The following CRMP1 variants were observed in gnomAD, a reference collection of about 807,000 sequenced individuals.
CRMP1 encodes collapsin response mediator protein 1.
Under a neutral mutation model 68.3 loss-of-function variants are expected in CRMP1, and 19 were observed. That is an observed-to-expected ratio of 0.28 (90% CI 0.19 to 0.41). The LOEUF (loss-of-function observed/expected upper bound fraction) is 0.41, where lower values mean the gene tolerates loss of function less well. CRMP1 is among the 10% of genes least tolerant of loss of function. CRMP1 has a pLI of 1.00. For synonymous variants in CRMP1, 439 were observed against 399.6 expected (o/e 1.10, Z -1.18); for missense variants, 791 against 967.4 (o/e 0.82, Z 2.42).
Position 5,842,524 on chromosome 4 carries a change from G to A in CRMP1, c.1032+569C>T, listed in dbSNP as rs1300204133. Among the ~76,000 whole-genome samples the A allele has an allele frequency of 6.6e-6, 1 of 151,360 alleles. No individual in the cohort carries two copies. Among genetic ancestry groups the A allele is most frequent in the Non-Finnish European group, 1.5e-5 (1 of 67,930 alleles). ...TGCCAGGGTGCCCACTCTATTCCAT[G>A]CCCGATCAGCTTGCCTTCCTCCTTC... On this transcript the variant is annotated intron_variant, in intron 7 of 13. Transcript: ENST00000324989. This position sits in a 1 kb window ranked among gnomAD's most constrained non-coding sequence, Gnocchi z 4.5.
At chr4:5,826,058 A>G (rs537327636) in intron 12 of CRMP1, 3 of 278,884 alleles carry the variant, frequency 1.1e-5, no homozygotes, top group South Asian at 7.4e-5. Flanking sequence ...ATACTCACAT[A>G]TGTATACACA....
intron 1 of CRMP1, among the ~76,000 whole-genome samples, chr4:5,868,261 C>CTATATATATATATA (rs60816757): frequency 5.2e-4 from 58 of 111,428 alleles, no homozygotes; most frequent in South Asian, 1.6e-3. Flanking sequence ...GACTATATAT[C>CTATATATATATATA]TATATATATA....
Position 5,838,298 on chromosome 4 carries a change from G to A in CRMP1, c.1310+1224C>T, listed in dbSNP as rs1720863152. Among the ~76,000 whole-genome samples, 1 of 152,184 alleles carries A rather than the reference G, an allele frequency of 6.6e-6. No individual in the cohort carries two copies. The highest frequency in any genetic ancestry group is 2.1e-4 in the South Asian group (1 of 4,828). On this transcript the variant is annotated intron_variant, in intron 9 of 13. Coordinates refer to ENST00000324989, the MANE Select transcript of CRMP1 (RefSeq NM_001014809.3). The surrounding 1 kb of genome is among the most constrained non-coding windows in gnomAD (Gnocchi z 4.9). ...AGAGGAGGCCCAGGGAGGGAGGTTGGTCAGGGCGTGTGCACCGGATTGAGT... is the reference window on the plus strand; with the variant it reads ...AGAGGAGGCCCAGGGAGGGAGGTTGATCAGGGCGTGTGCACCGGATTGAGT...
intron 3 of CRMP1, among the ~76,000 whole-genome samples, chr4:5,857,231 TCAC>T (rs1713200954): frequency 1.3e-5 from 2 of 150,838 alleles, no homozygotes; most frequent in African/African-American, 2.4e-5. Flanking sequence ...ACCACCATCA[TCAC>T]CATCACCATC....
rs546628380 is a variant in CRMP1, at chr4:5,825,088, G to A, written c.1969+406C>T. 33 of 985,442 alleles carry A rather than the reference G, an allele frequency of 3.3e-5. No individual in the cohort carries two copies. The African/African-American group carries it at 5.8e-4, about 17-fold the overall frequency. 61.0% of individuals were successfully genotyped at this position (985,442 alleles called of 1,614,324 possible). Reference sequence around the variant, plus strand: ...TTATGAAAGTGCTTAGTACACTGCAGTGGGTGAACAGGCTAAAGACTTACA... The same window carrying A: ...TTATGAAAGTGCTTAGTACACTGCAATGGGTGAACAGGCTAAAGACTTACA... On this transcript the variant is annotated intron_variant, in intron 13 of 13. Transcript: ENST00000324989. This position sits in a 1 kb window ranked among gnomAD's most constrained non-coding sequence, Gnocchi z 4.4.
In CRMP1 at chr4:5,825,454, G is replaced by C; in HGVS notation, c.1969+40C>G. On this transcript the variant is annotated intron_variant, in intron 13 of 13. Transcript: ENST00000324989. This position sits in a 1 kb window ranked among gnomAD's most constrained non-coding sequence, Gnocchi z 4.4. ...CAGCAGGAAGGACTCGGCCTGAACTGCTGCAATTGTGGGGAGCCTGGGCCA... is the reference window on the plus strand; with the variant it reads ...CAGCAGGAAGGACTCGGCCTGAACTCCTGCAATTGTGGGGAGCCTGGGCCA... 5 of 1,532,944 alleles carry C rather than the reference G, an allele frequency of 3.3e-6. No homozygotes were observed. The highest frequency in any genetic ancestry group is 4.4e-6 in the Non-Finnish European group (5 of 1,148,278). 95.0% of individuals were successfully genotyped at this position (1,532,944 alleles called of 1,614,324 possible).
chr4:5,836,758 G>A lies in CRMP1; in HGVS notation c.1452+7C>T, dbSNP rs755289455. ...TAGAATGCTCCTGAGAAGAGATCCA[G>A]CCTTACCACCGCCTTGTCCCAGACG... On this transcript the variant is annotated splice_region_variant and intron_variant, in intron 10 of 13. Coordinates refer to ENST00000324989, the MANE Select transcript of CRMP1 (RefSeq NM_001014809.3). The A allele has an allele frequency of 9.3e-6, 15 of 1,614,088 alleles. No individual in the cohort carries two copies. In the South Asian group the frequency reaches 1.5e-4, roughly 17 times the overall value.
At position 5,838,356 on chromosome 4, in the gene CRMP1, T is replaced by G. The variant is rs977733842; in HGVS notation, c.1310+1166A>C. ...TGTTGGATGTTGCAGGGACTTGGGT[T>G]TCACTGGCAGAGGACTTACTGGTTC... is the stretch of plus-strand genomic sequence containing the variant. On this transcript the variant is annotated intron_variant, in intron 9 of 13. Coordinates refer to ENST00000324989, the MANE Select transcript of CRMP1 (RefSeq NM_001014809.3). The surrounding 1 kb of genome is among the most constrained non-coding windows in gnomAD (Gnocchi z 4.9). Among the ~76,000 whole-genome samples, 2 of 152,056 alleles carry G rather than the reference T, an allele frequency of 1.3e-5. No homozygotes were observed. Among genetic ancestry groups the G allele is most frequent in the African/African-American group, 4.8e-5 (2 of 41,384 alleles).
Position 5,841,260 on chromosome 4 carries a change from C to T in CRMP1, c.1153+48G>A. 1 of 1,613,434 alleles carries T rather than the reference C, an allele frequency of 6.2e-7. No individual in the cohort carries two copies. The highest frequency in any genetic ancestry group is 1.3e-5 in the African/African-American group (1 of 75,006). On this transcript the variant is annotated intron_variant, in intron 8 of 13. Coordinates refer to ENST00000324989, the MANE Select transcript of CRMP1 (RefSeq NM_001014809.3). This position sits in a 1 kb window ranked among gnomAD's most constrained non-coding sequence, Gnocchi z 6.9. ...GTGAACTTGAACCTGCAGGACACCC[C>T]CTTCCAGGCCCCAGCTGCCCCCAGA...
chr4:5,840,335 G>A (rs1711626003), intron 8 of CRMP1, among the ~76,000 whole-genome samples: 1 of 152,220 alleles, frequency 6.6e-6, no homozygotes, highest in African/African-American at 2.4e-5. Flanking sequence ...GGCCTGGCGG[G>A]CTTCTTCCAG....
Position 5,847,695 on chromosome 4 carries a change from T to C in CRMP1, c.963+1697A>G, listed in dbSNP as rs113111205. ...AGATCTCCAGCACTGAACCATCATG[T>C]TGCTCTTCCACTGCGCTCTGGAACT... On this transcript the variant is annotated intron_variant, in intron 6 of 13. Coordinates refer to ENST00000324989, the MANE Select transcript of CRMP1 (RefSeq NM_001014809.3). Among the ~76,000 whole-genome samples, 1,085 of 152,330 alleles carry C rather than the reference T, an allele frequency of 7.1e-3. 17 individuals are homozygous for C. Among genetic ancestry groups the C allele is most frequent in the African/African-American group, 0.024 (1,009 of 41,576 alleles).
chr4:5,857,168 C>T (rs1261594446), intron 3 of CRMP1, among the ~76,000 whole-genome samples: 1 of 149,856 alleles, frequency 6.7e-6, no homozygotes, highest in South Asian at 2.2e-4. Context: ...CATCCACTAT[C>T]ATCACCACTA....
Position 5,843,180 on chromosome 4 carries a change from T to G in CRMP1, c.964-19A>C, listed in dbSNP as rs41264678. ...TTTGTTCCTACAAGACAAGAACAAG[T>G]GAGTTAACGATTAGAGGGTGTCAGA... On this transcript the variant is annotated intron_variant, in intron 6 of 13. Coordinates refer to ENST00000324989, the MANE Select transcript of CRMP1 (RefSeq NM_001014809.3). The surrounding 1 kb of genome is among the most constrained non-coding windows in gnomAD (Gnocchi z 4.1). The G allele has an allele frequency of 4.0e-3, 6,386 of 1,613,564 alleles. 22 individuals carry two copies. Among genetic ancestry groups the G allele is most frequent in the Non-Finnish European group, 4.8e-3 (5,709 of 1,179,600 alleles).
rs1300629171 is a variant in CRMP1, at chr4:5,841,122, G to A, written c.1153+186C>T. On this transcript the variant is annotated intron_variant, in intron 8 of 13. Coordinates refer to ENST00000324989, the MANE Select transcript of CRMP1 (RefSeq NM_001014809.3). This position sits in a 1 kb window ranked among gnomAD's most constrained non-coding sequence, Gnocchi z 6.9. ...CTTTAAATGGAGCTGAGCTTATCGA[G>A]GTGAATATCCTAAGGTCATTGGGAC... Among the ~76,000 whole-genome samples the A allele has an allele frequency of 1.3e-5, 2 of 152,244 alleles. No individual in the cohort carries two copies. Among genetic ancestry groups the A allele is most frequent in the East Asian group, 1.9e-4 (1 of 5,176 alleles).
chr4:5,859,546 C>T lies in CRMP1; in HGVS notation c.655+1480G>A, dbSNP rs1713382966. Among the ~76,000 whole-genome samples the T allele has an allele frequency of 6.6e-6, 1 of 152,204 alleles. No homozygotes were observed. The highest frequency in any genetic ancestry group is 1.5e-5 in the Non-Finnish European group (1 of 68,036). ...TCCAAACCACCCTAGGCACTTCCCA[C>T]CATAAGGCCCACATTATAGATGAGG... On this transcript the variant is annotated intron_variant, in intron 3 of 13. Transcript: ENST00000324989. This position sits in a 1 kb window ranked among gnomAD's most constrained non-coding sequence, Gnocchi z 5.2.
At chr4:5,887,619 A>G in intron 1 of CRMP1, 1 of 984,588 alleles carries the variant, frequency 1.0e-6, no homozygotes, top group Non-Finnish European at 1.2e-6. Flanking sequence ...GGGAACATTA[A>G]CCCTTCCCGG....
chr4:5,887,697 T>G, intron 1 of CRMP1: 1 of 985,134 alleles, frequency 1.0e-6, no homozygotes, highest in Non-Finnish European at 1.2e-6. Flanking sequence ...CGAGCTTCCA[T>G]CATGGCGCTG....
Position 5,888,032 on chromosome 4 carries a change from G to A in CRMP1, c.381+4557C>T, listed in dbSNP as rs1265702961. Reference sequence around the variant, plus strand: ...GGCTCCAGCCCCGCCCCGCCATGCGGGGCTCCCCCACCCCCATTGTCCCCA... The same window carrying A: ...GGCTCCAGCCCCGCCCCGCCATGCGAGGCTCCCCCACCCCCATTGTCCCCA... On this transcript the variant is annotated intron_variant, in intron 1 of 13. Coordinates refer to ENST00000324989, the MANE Select transcript of CRMP1 (RefSeq NM_001014809.3). This position sits in a 1 kb window ranked among gnomAD's most constrained non-coding sequence, Gnocchi z 6.4. Among the ~76,000 whole-genome samples the A allele has an allele frequency of 6.6e-6, 1 of 151,906 alleles. No individual in the cohort carries two copies. The highest frequency in any genetic ancestry group is 1.5e-5 in the Non-Finnish European group (1 of 67,884).
In CRMP1 at chr4:5,849,466, C is replaced by T. The variant is rs556396914; in HGVS notation, c.889G>A (p.Glu297Lys). 28 of 1,608,618 alleles carry T rather than the reference C, an allele frequency of 1.7e-5. No individual in the cohort carries two copies. In the African/African-American group the frequency reaches 3.4e-4, roughly 19 times the overall value. The change falls in exon 6 of 14, where the codon GAA becomes AAA. Residue 297 changes from glutamate to lysine, a missense_variant. Coordinates refer to ENST00000324989, the MANE Select transcript of CRMP1 (RefSeq NM_001014809.3). Reference sequence around the variant, plus strand: ...AGGCCCTTAAGGAAGGTAAAGGCTTCATAGAGCTATGGAGAGATAAACAGG... The same window carrying T: ...AGGCCCTTAAGGAAGGTAAAGGCTTTATAGAGCTATGGAGAGATAAACAGG... ...VYQMSDSQLY[E>K]AFTFLKGLGA...
Sources: allele counts gnomAD v4.1 joint callset (sites outside exome capture counted in the v4.1 genomes callset), GRCh38; gene constraint gnomAD v4.1.1; non-coding constraint Gnocchi (gnomAD v3.1); transcripts MANE v1.5; gene names NCBI Gene and HGNC (gene_info 2026-07-23, HGNC 2026-07-21).